The following TRAF4 variants were observed in gnomAD, a reference collection of about 807,000 sequenced individuals.
TRAF4 encodes the protein TNF receptor associated factor 4, also known as TNF receptor-associated factor 4.
A neutral mutation model predicts 47.3 loss-of-function variants in TRAF4; 9 were observed. That is an observed-to-expected ratio of 0.19 (90% CI 0.11 to 0.33). TRAF4 has a LOEUF of 0.33. TRAF4 is among the 10% of genes least tolerant of loss of function. The pLI is 1.00. For missense variants in TRAF4, 448 were observed against 620.3 expected, an observed-to-expected ratio of 0.72 and a Z score of 2.95; for synonymous variants, 236 against 236.9, an observed-to-expected ratio of 1.00 and a Z score of 0.04.
chr17:28,744,300 G>T, intron 1 of TRAF4, 45 bp downstream of exon 1: 1 of 1,471,378 alleles, frequency 6.8e-7, no homozygotes, highest in East Asian at 2.5e-5. Flanking sequence ...GGCGGGGCGG[G>T]GGGCGCCGCC....
chr17:28,748,637 CCATT>C lies in TRAF4; in HGVS notation c.754_757del (p.Phe252LysfsTer22). Reference sequence around the variant, plus strand: ...CTGTAACACCGCCCTGGTGCTCTGCCCATTCAAAGACTCCGGCTGCAAGCACAGG... The same window carrying C: ...CTGTAACACCGCCCTGGTGCTCTGCCCAAAGACTCCGGCTGCAAGCACAGG... On this transcript the variant is annotated frameshift_variant, in exon 6 of 7. Transcript: ENST00000262395. LOFTEE classifies it high-confidence loss of function. 1.2e-6 allele frequency: 2 copies of C among 1,612,526 alleles called. No homozygotes were observed. The highest frequency in any genetic ancestry group is 1.7e-6 in the Non-Finnish European group (2 of 1,179,904).
chr17:28,744,046 G>C lies in TRAF4; in HGVS notation c.-67G>C. On this transcript the variant is annotated 5_prime_UTR_variant, in exon 1 of 7. Transcript: ENST00000262395. The stretch of plus-strand genomic sequence containing the variant: ...GCCCGGAGCCGGGAGCGCCGCTCCA[G>C]CGAGGCGCGGGCTGTGGGGCCGCCG... The C allele has an allele frequency of 9.1e-7, 1 of 1,097,794 alleles. No individual in the cohort carries two copies. Among genetic ancestry groups the C allele is most frequent in the Non-Finnish European group, 1.1e-6 (1 of 904,788 alleles). The allele number at this position is 1,097,794 out of a possible 1,614,324, so 68.0% of individuals were successfully genotyped here.
rs2034572123 is a variant in TRAF4, at chr17:28,749,659, C to G, written c.*82C>G. The G allele has an allele frequency of 6.3e-7, 1 of 1,575,246 alleles. No homozygotes were observed. The highest frequency in any genetic ancestry group is 2.2e-5 in the East Asian group (1 of 44,566). ...GCTGAACTTGGAGAGGGGGCCGGAC[C>G]CCCGTCAGCTGCTTCTGCTGCCTAG... On this transcript the variant is annotated 3_prime_UTR_variant, in exon 7 of 7. Coordinates refer to ENST00000262395, the MANE Select transcript of TRAF4 (RefSeq NM_004295.4).
chr17:28,746,346 C>T (rs1394857723), intron 1 of TRAF4, among the ~76,000 whole-genome samples: 2 of 152,230 alleles, frequency 1.3e-5, no homozygotes, highest in African/African-American at 4.8e-5. Context: ...CAGAAAGAAG[C>T]ATGCCAACAG....
rs1567767498 is a variant in TRAF4 at position 28,748,644 on chromosome 17, A to G, written c.758A>G (p.Lys253Arg). 1.2e-6 allele frequency: 2 copies of G among 1,612,028 alleles called. No individual in the cohort carries two copies. The highest frequency in any genetic ancestry group is 2.2e-5 in the East Asian group (1 of 44,876). Residue 253 changes from lysine (K) to arginine (R), a missense_variant, in exon 6 of 7, where the codon AAA (lysine) becomes AGA (arginine). Lys to Arg is a conservative substitution (Grantham distance 26). Transcript: ENST00000262395. ...ACCGCCCTGGTGCTCTGCCCATTCA[A>G]AGACTCCGGCTGCAAGCACAGGGTG... is the stretch of plus-strand genomic sequence containing the variant. ...CNTALVLCPF[K>R]DSGCKHRCPK...
chr17:28,744,017 C>T lies in TRAF4; in HGVS notation c.-96C>T, dbSNP rs1289747030. ...AGCCCTGGCCGCGACCGCCAGTCGG[C>T]GCCGCCCGGAGCCGGGAGCGCCGCT... On this transcript the variant is annotated 5_prime_UTR_variant, in exon 1 of 7. Transcript: ENST00000262395. 7 of 1,015,288 alleles carry T rather than the reference C, an allele frequency of 6.9e-6. No individual in the cohort carries two copies. Among genetic ancestry groups the T allele is most frequent in the South Asian group, 9.0e-5 (2 of 22,122 alleles). 62.9% of individuals were successfully genotyped at this position (1,015,288 alleles called of 1,614,324 possible). A position where few individuals can be genotyped will look rare whatever the true frequency, so the allele number is the denominator to read the frequency against.
At chr17:28,747,083 C>A in intron 1 of TRAF4, 130 bp from the exon 2 acceptor site, 1 of 955,924 alleles carries the variant, frequency 1.0e-6, no homozygotes, top group Non-Finnish European at 1.5e-6. Context: ...CTCTGCTTGC[C>A]CTTTTGTCTC....
rs773001163 is a variant in TRAF4, at chr17:28,748,505, C to T, written c.625-6C>T. On this transcript the variant is annotated splice_region_variant and splice_polypyrimidine_tract_variant and intron_variant, in intron 5 of 6. Transcript: ENST00000262395. ...GACTCCTGCCTCTCTACTTCTGTGG[C>T]CCCAGAGCCACCAGTACCAGTGCCC... The T allele has an allele frequency of 6.2e-7, 1 of 1,612,176 alleles. No homozygotes were observed. Among genetic ancestry groups the T allele is most frequent in the Non-Finnish European group, 8.5e-7 (1 of 1,179,018 alleles).
chr17:28,744,189 G>T lies in TRAF4; in HGVS notation c.77G>T (p.Arg26Leu). 6.3e-7 allele frequency: 1 copy of T among 1,597,050 alleles called. No individual in the cohort carries two copies. Residue 26 changes from arginine (R) to leucine (L), a missense_variant, in exon 1 of 7, where the codon CGC (arginine) becomes CTC (leucine). Transcript: ENST00000262395. ...LLCPLCGKPM[R>L]EPVQVSTCGH... ...TGCCCACTGTGCGGGAAGCCCATGC[G>T]CGAGCCTGTGCAGGTTTCCACCTGC... is the stretch of plus-strand genomic sequence containing the variant.
At chr17:28,747,990 A>G in intron 3 of TRAF4, 27 bp from the exon 4 acceptor site, 2 of 1,614,150 alleles carry the variant, frequency 1.2e-6, no homozygotes, top group Non-Finnish European at 1.7e-6. Context: ...CTCCCTTGGC[A>G]GGCACTAATT....
At chr17:28,747,561 C>T (rs756549943) in intron 2 of TRAF4, 2 of 584,836 alleles carry the variant, frequency 3.4e-6, no homozygotes, top group Non-Finnish European at 6.1e-6. Context: ...GCCAGTATCC[C>T]TCCACCAGGG....
intron 3 of TRAF4, 30 bp from the exon 4 acceptor site, chr17:28,747,987 G>A (rs2034541533): frequency 3.1e-6 from 5 of 1,614,108 alleles, no homozygotes; most frequent in East Asian, 2.2e-5. Context: ...CCTCTCCCTT[G>A]GCAGGCACTA....
At chr17:28,746,212 ACT>A (rs2034510503) in intron 1 of TRAF4, among the ~76,000 whole-genome samples, 1 of 151,936 alleles carries the variant, frequency 6.6e-6, no homozygotes. Flanking sequence ...CACCTACCTG[ACT>A]CAGACCTGCC....
rs1385442828 is a variant in TRAF4 at position 28,750,435 on chromosome 17, T to C, written c.*858T>C. ...ACTGCTAAGCACTTTACGTGCATTA[T>C]TATTTCATTGAAAAGAACTGTCAAG... On this transcript the variant is annotated 3_prime_UTR_variant, in exon 7 of 7. Coordinates refer to ENST00000262395, the MANE Select transcript of TRAF4 (RefSeq NM_004295.4). 6.5e-6 allele frequency: 1 copy of C among 153,076 alleles called. No individual in the cohort carries two copies. The highest frequency in any genetic ancestry group is 1.5e-5 in the Non-Finnish European group (1 of 68,664). 9.5% of individuals were successfully genotyped at this position (153,076 alleles called of 1,614,324 possible). A position where few individuals can be genotyped will look rare whatever the true frequency, so the allele number is the denominator to read the frequency against.
chr17:28,747,796 C>T (rs1316132031), intron 2 of TRAF4, 47 bp from the exon 3 acceptor site: 8 of 1,575,716 alleles, frequency 5.1e-6, no homozygotes, highest in Non-Finnish European at 6.9e-6. Context: ...GAACTGGGCA[C>T]TGCAGTCAGC....
chr17:28,744,674 G>T (rs1472082331), intron 1 of TRAF4: 1 of 183,660 alleles, frequency 5.4e-6, no homozygotes, highest in East Asian at 1.8e-4. Context: ...TTCAGAGAAC[G>T]GTAGCTATTG....
intron 1 of TRAF4, among the ~76,000 whole-genome samples, chr17:28,746,217 G>T (rs566574455): frequency 6.6e-6 from 1 of 152,256 alleles, no homozygotes; most frequent in Non-Finnish European, 1.5e-5. Flanking sequence ...ACCTGACTCA[G>T]ACCTGCCAGG....
Position 28,744,088 on chromosome 17 carries a change from C to G in TRAF4, c.-25C>G. 3.3e-6 allele frequency: 5 copies of G among 1,498,602 alleles called. No individual in the cohort carries two copies. Among genetic ancestry groups the G allele is most frequent in the Non-Finnish European group, 4.4e-6 (5 of 1,127,620 alleles). 92.8% of individuals were successfully genotyped at this position (1,498,602 alleles called of 1,614,324 possible). A position where few individuals can be genotyped will look rare whatever the true frequency, so the allele number is the denominator to read the frequency against. On this transcript the variant is annotated 5_prime_UTR_variant, in exon 1 of 7. Transcript: ENST00000262395. ...GGGCCGCCGCGTGCCTGGCCCCGCT[C>G]GCCCGTGCCGGCCGCTCGCCCGCCA... is the stretch of plus-strand genomic sequence containing the variant.
chr17:28,748,895 C>A (rs769355617), intron 6 of TRAF4, 50 bp from the exon 7 acceptor site: 2 of 1,563,108 alleles, frequency 1.3e-6, no homozygotes, highest in Non-Finnish European at 1.7e-6. Flanking sequence ...GGACCTCCCC[C>A]TACTGATAAC....
Sources: allele counts gnomAD v4.1 joint callset (sites outside exome capture counted in the v4.1 genomes callset), GRCh38; gene constraint gnomAD v4.1.1; transcripts MANE v1.5; gene names NCBI Gene and HGNC (gene_info 2026-07-23, HGNC 2026-07-21).